The following ADCY8 variants were observed in gnomAD, a reference collection of about 807,000 sequenced individuals.
ADCY8 encodes the protein adenylate cyclase type 8.
In ADCY8, 51 loss-of-function variants were observed where a neutral mutation model predicts 119.7. The ratio of observed to expected loss-of-function variants is 0.43; its 90% CI spans 0.34 to 0.54. The LOEUF (loss-of-function observed/expected upper bound fraction) is 0.54, where lower values mean the gene tolerates loss of function less well. Ranked by LOEUF, ADCY8 falls within the 20% of genes least tolerant of loss-of-function variation. The pLI, the probability that ADCY8 is intolerant of heterozygous loss-of-function variation, is 0.03. For missense variants in ADCY8, 1,383 were observed against 1,598.8 expected (o/e 0.87, Z 2.30); for synonymous variants, 665 against 651.0 (o/e 1.02, Z -0.33).
intron 15 of ADCY8, among the ~76,000 whole-genome samples, chr8:130,797,223 G>T (rs1259395621): frequency 6.6e-6 from 1 of 151,002 alleles, no homozygotes; most frequent in Non-Finnish European, 1.5e-5. Flanking sequence ...AACATTATGA[G>T]ACTTTTTTTT....
intron 7 of ADCY8, among the ~76,000 whole-genome samples, chr8:130,893,608 C>T (rs1034016069): frequency 5.3e-5 from 8 of 151,672 alleles, no homozygotes; most frequent in African/African-American, 1.9e-4. Context: ...TTCTTGTGAA[C>T]ATCAAAGATG....
chr8:130,826,327 G>A (rs898376090), intron 12 of ADCY8, among the ~76,000 whole-genome samples: 6 of 152,156 alleles, frequency 3.9e-5, no homozygotes, highest in African/African-American at 1.4e-4. Context: ...ACTATCATCA[G>A]TCTTTACAAT....
chr8:130,816,427 C>CTT (rs59803292), intron 13 of ADCY8, among the ~76,000 whole-genome samples: 3,107 of 121,122 alleles, frequency 0.026, 245 homozygotes, highest in African/African-American at 0.09. Flanking sequence ...ATTTTTTTTT[C>CTT]TTTTTTTTTT....
Position 130,849,816 on chromosome 8 carries a change from A to T in ADCY8, c.2211-13T>A. 1 of 1,607,862 alleles carries T rather than the reference A, an allele frequency of 6.2e-7. No homozygotes were observed. The highest frequency in any genetic ancestry group is 8.5e-7 in the Non-Finnish European group (1 of 1,176,942). ...CATTGGCATCACTCTGCAGGGAAAC[A>T]CAGAATGTTGGGTCATTGGCATCAA... On this transcript the variant is annotated splice_polypyrimidine_tract_variant and intron_variant, in intron 9 of 17. Coordinates refer to ENST00000286355, the MANE Select transcript of ADCY8 (RefSeq NM_001115.3).
chr8:130,948,004 C>G (rs1023084844), intron 3 of ADCY8, among the ~76,000 whole-genome samples: 1 of 152,060 alleles, frequency 6.6e-6, no homozygotes, highest in Non-Finnish European at 1.5e-5. Flanking sequence ...AAATGACATA[C>G]GTCATTTTCT....
At chr8:130,874,689 T>C (rs1433464135) in intron 8 of ADCY8, among the ~76,000 whole-genome samples, 1 of 152,178 alleles carries the variant, frequency 6.6e-6, no homozygotes, top group Non-Finnish European at 1.5e-5. Context: ...AGGTTGGTAA[T>C]ACATTTCCTA....
chr8:130,876,792 G>T (rs1253322326), intron 8 of ADCY8, among the ~76,000 whole-genome samples: 1 of 152,124 alleles, frequency 6.6e-6, no homozygotes, highest in Non-Finnish European at 1.5e-5. Flanking sequence ...TGGTATATTT[G>T]CCATATGCAT....
intron 1 of ADCY8, among the ~76,000 whole-genome samples, chr8:131,035,419 T>A (rs1824122745): frequency 6.6e-6 from 1 of 152,130 alleles, no homozygotes; most frequent in Non-Finnish European, 1.5e-5. Flanking sequence ...GGGAAGTCAA[T>A]GTTTGTAGTG....
chr8:130,937,261 A>T (rs1249770543), intron 4 of ADCY8, 61 bp from the exon 5 acceptor site: 3 of 1,551,294 alleles, frequency 1.9e-6, no homozygotes, highest in Non-Finnish European at 2.6e-6. Context: ...TTCTTCAGAA[A>T]GGCTTGAGAA....
chr8:130,925,041 A>C (rs951962767), intron 5 of ADCY8, among the ~76,000 whole-genome samples: 1 of 18,988 alleles, frequency 5.3e-5, no homozygotes, highest in Admixed American at 7.1e-4. Context: ...TAAAAATACA[A>C]AAAAAAAAAA....
chr8:130,871,635 C>T (rs1818361339), intron 8 of ADCY8, among the ~76,000 whole-genome samples: 1 of 152,102 alleles, frequency 6.6e-6, no homozygotes, highest in African/African-American at 2.4e-5. Flanking sequence ...AATGGTGTTG[C>T]CTTGCAGGAT....
intron 11 of ADCY8, among the ~76,000 whole-genome samples, chr8:130,841,197 C>T (rs62518066): frequency 0.14 from 20,915 of 152,062 alleles, 1,749 homozygotes; most frequent in Non-Finnish European, 0.18. Flanking sequence ...TTATTGGGCA[C>T]GTATTCTGTG....
At chr8:130,836,246 A>T (rs764717015) in intron 12 of ADCY8, 31 bp downstream of exon 12, 1 of 1,571,284 alleles carries the variant, frequency 6.4e-7, no homozygotes, top group East Asian at 2.3e-5. Context: ...GAAGTTGAGC[A>T]CACTTTGGAC....
intron 8 of ADCY8, among the ~76,000 whole-genome samples, chr8:130,874,686 T>C (rs1302327477): frequency 6.6e-6 from 1 of 152,190 alleles, no homozygotes; most frequent in Admixed American, 6.5e-5. Flanking sequence ...CCTAGGTTGG[T>C]AATACATTTC....
intron 2 of ADCY8, among the ~76,000 whole-genome samples, chr8:130,982,922 C>G (rs956234204): frequency 1.3e-5 from 2 of 152,154 alleles, no homozygotes; most frequent in African/African-American, 4.8e-5. Flanking sequence ...GTTGCAGATG[C>G]TAAATATACA....
intron 2 of ADCY8, among the ~76,000 whole-genome samples, chr8:130,968,147 T>C (rs1821816909): frequency 1.3e-5 from 2 of 149,790 alleles, no homozygotes. Flanking sequence ...TTTAAAATCA[T>C]AAAAAAAATG....
chr8:131,017,713 T>C (rs963947840), intron 1 of ADCY8, among the ~76,000 whole-genome samples: 7 of 152,104 alleles, frequency 4.6e-5, no homozygotes, highest in African/African-American at 1.7e-4. Flanking sequence ...CGATGGAGCC[T>C]ACTAGCAATC....
intron 2 of ADCY8, among the ~76,000 whole-genome samples, chr8:130,960,088 G>A (rs867583108): frequency 2.0e-4 from 31 of 152,308 alleles, no homozygotes; most frequent in Middle Eastern, 3.4e-3. Flanking sequence ...GGCAGGAGGT[G>A]AAGGAAACTT....
chr8:131,008,528 T>C (rs1374666280), intron 1 of ADCY8, among the ~76,000 whole-genome samples: 2 of 152,326 alleles, frequency 1.3e-5, no homozygotes, highest in East Asian at 3.9e-4. Context: ...CAGCCAGCCA[T>C]GTGGAACTGT....
Sources: allele counts gnomAD v4.1 joint callset (sites outside exome capture counted in the v4.1 genomes callset), GRCh38; gene constraint gnomAD v4.1.1; transcripts MANE v1.5; gene names NCBI Gene and HGNC (gene_info 2026-07-23, HGNC 2026-07-21).